Variants in CCDC12 observed in about 807,000 individuals in gnomAD.
CCDC12 encodes coiled-coil domain containing 12, also known as coiled-coil domain-containing protein 12.
A neutral mutation model predicts 25.7 loss-of-function variants in CCDC12; 28 were observed. The ratio of observed to expected loss-of-function variants is 1.09; its 90% confidence interval spans 0.81 to 1.50. The LOEUF (loss-of-function observed/expected upper bound fraction) is 1.50. CCDC12 is among the 40% of genes most tolerant of loss of function. CCDC12 has a pLI of 0.00. For missense variants in CCDC12, 198 were observed against 210.0 expected, an observed-to-expected ratio of 0.94 and a Z score of 0.35; for synonymous variants, 75 against 87.7, an observed-to-expected ratio of 0.86 and a Z score of 0.81.
chr3:46,926,578 A>C (rs1054300433), intron 2 of CCDC12, among the ~76,000 whole-genome samples: 14 of 152,112 alleles, frequency 9.2e-5, no homozygotes, highest in African/African-American at 3.1e-4. Context: ...TCCTAGCCCC[A>C]CACACACAGA....
At chr3:46,949,448 G>C (rs948246889) in intron 1 of CCDC12, among the ~76,000 whole-genome samples, 2 of 152,224 alleles carry the variant, frequency 1.3e-5, no homozygotes, top group Non-Finnish European at 2.9e-5. Flanking sequence ...TATGCAGCCA[G>C]ACTGGACGAG....
intron 2 of CCDC12, among the ~76,000 whole-genome samples, chr3:46,937,421 G>C (rs1265464239): frequency 6.6e-6 from 1 of 152,176 alleles, no homozygotes. Flanking sequence ...GCGGGTGCTG[G>C]TGGGGCTTCA....
intron 3 of CCDC12, among the ~76,000 whole-genome samples, chr3:46,924,608 G>A (rs941887572): frequency 2.6e-5 from 4 of 152,204 alleles, no homozygotes; most frequent in Non-Finnish European, 5.9e-5. Flanking sequence ...ACTTTGGGAC[G>A]CCAAGGCGGG....
At chr3:46,953,710 A>C (rs890303029) in intron 1 of CCDC12, among the ~76,000 whole-genome samples, 2 of 151,912 alleles carry the variant, frequency 1.3e-5, no homozygotes, top group Admixed American at 1.3e-4. Context: ...GAGCCTGCAC[A>C]CACCAGCGTC....
At chr3:46,938,678 A>C (rs1000766032) in intron 2 of CCDC12, among the ~76,000 whole-genome samples, 1 of 151,544 alleles carries the variant, frequency 6.6e-6, no homozygotes, top group Non-Finnish European at 1.5e-5. Flanking sequence ...TGGTGAAACC[A>C]TGTTGTTTTT....
At chr3:46,976,970 G>GA (rs60779232), upstream of CCDC12, 8,518 of 182,328 alleles carry the variant, frequency 0.047, 1 homozygote, top group South Asian at 0.086. Flanking sequence ...AAAAAAAAAA[G>GA]AAAAAAAAAA....
intron 2 of CCDC12, among the ~76,000 whole-genome samples, chr3:46,926,042 C>T (rs2032943492): frequency 6.6e-6 from 1 of 152,266 alleles, no homozygotes; most frequent in African/African-American, 2.4e-5. Flanking sequence ...CAGAGCCTTC[C>T]TGCCCTGGGG....
intron 1 of CCDC12, among the ~76,000 whole-genome samples, chr3:46,951,673 G>A (rs1453536955): frequency 3.4e-5 from 5 of 146,792 alleles, no homozygotes; most frequent in Non-Finnish European, 6.0e-5. Flanking sequence ...CCAGCTACTC[G>A]GGAGGCTGAG....
chr3:46,941,753 T>G (rs781408004), intron 1 of CCDC12, among the ~76,000 whole-genome samples: 1 of 152,148 alleles, frequency 6.6e-6, no homozygotes, highest in African/African-American at 2.4e-5. Flanking sequence ...CAGAACCACC[T>G]GCTAAGCTAG....
upstream of CCDC12, chr3:46,976,892 TGCCCC>T (rs1388707123): frequency 4.1e-5 from 52 of 1,257,390 alleles, no homozygotes; most frequent in Non-Finnish European, 5.0e-5. Flanking sequence ...CTCCCCGCCT[TGCCCC>T]GCCCCGCCCC....
intron 2 of CCDC12, among the ~76,000 whole-genome samples, chr3:46,925,777 T>C (rs1344310556): frequency 6.6e-6 from 1 of 152,202 alleles, no homozygotes; most frequent in Non-Finnish European, 1.5e-5. Context: ...TGGAGTACGG[T>C]TCTCTTCCAG....
chr3:46,941,926 C>T (rs918457052), intron 1 of CCDC12, among the ~76,000 whole-genome samples: 1 of 152,194 alleles, frequency 6.6e-6, no homozygotes, highest in African/African-American at 2.4e-5. Flanking sequence ...CTGCCTAGGC[C>T]TATGCTATAT....
intron 5 of CCDC12, 144 bp from the exon 6 acceptor site, chr3:46,922,456 T>TC: frequency 2.5e-6 from 2 of 806,002 alleles, no homozygotes; most frequent in South Asian, 3.1e-5. Flanking sequence ...GCCAGGACAT[T>TC]CCCCTTCTGT....
intron 1 of CCDC12, among the ~76,000 whole-genome samples, chr3:46,941,608 A>C (rs1420050704): frequency 6.6e-6 from 1 of 151,492 alleles, no homozygotes; most frequent in African/African-American, 2.4e-5. Context: ...ACTCCAGCCC[A>C]GTCCCAGGTA....
upstream of CCDC12, chr3:46,976,819 G>A (rs1173434976): frequency 1.3e-5 from 20 of 1,538,232 alleles, no homozygotes; most frequent in Non-Finnish European, 1.6e-5. Context: ...CCAATCCAAG[G>A]ACGAGAATGA....
intron 2 of CCDC12, among the ~76,000 whole-genome samples, chr3:46,934,462 T>C (rs2033360959): frequency 6.6e-6 from 1 of 152,246 alleles, no homozygotes; most frequent in African/African-American, 2.4e-5. Context: ...TTCACCTGCC[T>C]GGACTGTAGT....
chr3:46,942,529 T>C (rs2033750295), intron 1 of CCDC12, among the ~76,000 whole-genome samples: 2 of 152,254 alleles, frequency 1.3e-5, no homozygotes, highest in African/African-American at 2.4e-5. Flanking sequence ...ATTTATGCCA[T>C]TGACAACTGC....
At chr3:46,971,987 A>G (rs1274889685) in intron 1 of CCDC12, among the ~76,000 whole-genome samples, 1 of 152,230 alleles carries the variant, frequency 6.6e-6, no homozygotes, top group African/African-American at 2.4e-5. Flanking sequence ...AAGGTCCAGC[A>G]GAAAGGGCCA....
intron 1 of CCDC12, among the ~76,000 whole-genome samples, chr3:46,975,030 C>A (rs1250778061): frequency 6.6e-6 from 1 of 152,184 alleles, no homozygotes; most frequent in Non-Finnish European, 1.5e-5. Flanking sequence ...CTTCAGAATT[C>A]TTCTTCCTCT....
Sources: gnomAD v4.1 joint callset for allele counts (sites outside exome capture counted in the v4.1 genomes callset) on GRCh38, gnomAD v4.1.1 for gene constraint, MANE v1.5 for transcripts, NCBI Gene and HGNC (gene_info 2026-07-23, HGNC 2026-07-21) for gene names.